SLC51A: variants seen among roughly 807,000 people sequenced by gnomAD.
SLC51A encodes organic solute transporter subunit alpha.
In SLC51A, 22 loss-of-function variants were observed where a neutral mutation model predicts 34.8. The ratio of observed to expected loss-of-function variants is 0.63; its 90% CI spans 0.45 to 0.90. The LOEUF is 0.90. SLC51A is among the 40% of genes least tolerant of loss of function. SLC51A has a pLI of 0.00. For missense variants in SLC51A, 371 were observed against 414.8 expected, an observed-to-expected ratio of 0.89 and a Z score of 0.92; for synonymous variants, 181 against 176.3, an observed-to-expected ratio of 1.03 and a Z score of -0.21.
chr3:196,223,984 C>T, intron 2 of SLC51A: 1 of 334,956 alleles, frequency 3.0e-6, no homozygotes, highest in Non-Finnish European at 5.7e-6. Context: ...TCAGCCTCTC[C>T]AGTAGGTGGG....
Position 196,227,695 on chromosome 3 carries a change from G to T in SLC51A, c.320G>T (p.Trp107Leu). The T allele has an allele frequency of 6.2e-7, 1 of 1,613,856 alleles. No individual in the cohort carries two copies. Among genetic ancestry groups the T allele is most frequent in the South Asian group, 1.1e-5 (1 of 91,070 alleles). ...VVSVLCCFGL[W>L]IPRSLVLVEM... Reference sequence around the variant, plus strand: ...TCTGTGCTGTGCTGCTTTGGTCTCTGGATCCCTCGTTCCCTGGTGCTGGTG... The same window carrying T: ...TCTGTGCTGTGCTGCTTTGGTCTCTTGATCCCTCGTTCCCTGGTGCTGGTG... Residue 107 changes from tryptophan to leucine, a missense_variant, in exon 4 of 9, where the codon TGG (tryptophan) becomes TTG (leucine). Transcript: ENST00000296327.
intron 7 of SLC51A, among the ~76,000 whole-genome samples, chr3:196,232,007 GC>G (rs1724038263): frequency 6.6e-6 from 1 of 152,284 alleles, no homozygotes; most frequent in African/African-American, 2.4e-5. Flanking sequence ...GGATGGCAGA[GC>G]TTCCAAAGGG....
Position 196,231,210 on chromosome 3 carries a change from G to A in SLC51A, c.780+1149G>A, listed in dbSNP as rs545605082. 1.3e-4 allele frequency among the ~76,000 whole-genome samples: 20 copies of A among 152,252 alleles called. No homozygotes were observed. The South Asian group carries it at 3.7e-3, about 28-fold the overall frequency. ...TCTTGCTCAAAGGCACATAAGGAAC[G>A]GGGCTAGAATTTATACCCAGGTATG... On this transcript the variant is annotated intron_variant, in intron 7 of 8. Coordinates refer to ENST00000296327, the MANE Select transcript of SLC51A (RefSeq NM_152672.6).
rs779232895 is a variant in SLC51A, at chr3:196,228,799, C to T, written c.522-10C>T. On this transcript the variant is annotated splice_polypyrimidine_tract_variant and intron_variant, in intron 5 of 8. Coordinates refer to ENST00000296327, the MANE Select transcript of SLC51A (RefSeq NM_152672.6). This position sits in a 1 kb window ranked among gnomAD's most constrained non-coding sequence, Gnocchi z 4.9. ...GTGGGCCCATGTTCCTAACCCTCTT[C>T]CCCACTCAGGAAGAAGCTTCAGCTG... 204 of 1,612,138 alleles carry T rather than the reference C, an allele frequency of 1.3e-4. No homozygotes were observed. The highest frequency in any genetic ancestry group is 1.7e-4 in the Non-Finnish European group (197 of 1,178,314).
chr3:196,229,344 C>T (rs997004528), intron 6 of SLC51A, among the ~76,000 whole-genome samples: 12 of 149,448 alleles, frequency 8.0e-5, no homozygotes, highest in Non-Finnish European at 1.5e-4. Flanking sequence ...CAGGAGTTTG[C>T]GACCAGCTTG....
chr3:196,226,904 C>T (rs68119320), intron 2 of SLC51A, 61 bp from the exon 3 acceptor site: 588,739 of 1,507,054 alleles, frequency 0.39, 122,934 homozygotes, highest in East Asian at 0.87. Flanking sequence ...ATCCGAGGAA[C>T]AAGCCCAGGC....
intron 2 of SLC51A, among the ~76,000 whole-genome samples, chr3:196,223,449 ACCCG>A (rs1482617864): frequency 6.6e-6 from 1 of 151,750 alleles, no homozygotes; most frequent in Non-Finnish European, 1.5e-5. Context: ...ACATAACGTT[ACCCG>A]GAATGGAGAT....
rs200430324 is a variant in SLC51A, at chr3:196,232,995, G to A, written c.887-68G>A. Reference sequence around the variant, plus strand: ...AAAGTGTTGCTCAACTCCCGTGCCCGGGCTGCTAGTAAAATACCACCTCTG... The same window carrying A: ...AAAGTGTTGCTCAACTCCCGTGCCCAGGCTGCTAGTAAAATACCACCTCTG... On this transcript the variant is annotated intron_variant, in intron 8 of 8. Coordinates refer to ENST00000296327, the MANE Select transcript of SLC51A (RefSeq NM_152672.6). The A allele has an allele frequency of 7.1e-5, 107 of 1,515,606 alleles. 1 individual carries two copies. The East Asian group carries it at 1.5e-3, about 21-fold the overall frequency. The allele number at this position is 1,515,606 out of a possible 1,614,324, so 93.9% of individuals were successfully genotyped here.
chr3:196,224,048 G>A (rs1723833806), intron 2 of SLC51A: 2 of 287,416 alleles, frequency 7.0e-6, no homozygotes, highest in Non-Finnish European at 1.4e-5. Flanking sequence ...TGGTAGAGAT[G>A]GGGTTCCACC....
intron 2 of SLC51A, among the ~76,000 whole-genome samples, chr3:196,222,374 C>A (rs1185123914): frequency 6.6e-6 from 1 of 152,058 alleles, no homozygotes; most frequent in Non-Finnish European, 1.5e-5. Context: ...GTGGCTCACA[C>A]CTGTAATCCC....
intron 2 of SLC51A, among the ~76,000 whole-genome samples, chr3:196,220,174 G>GTTT (rs1723712577): frequency 1.3e-5 from 2 of 152,264 alleles, no homozygotes; most frequent in African/African-American, 4.8e-5. Context: ...GGCTGGCGGA[G>GTTT]GAGCTGTGCT....
intron 6 of SLC51A, 85 bp from the exon 7 acceptor site, chr3:196,229,830 G>A (rs1363464682): frequency 3.4e-6 from 5 of 1,474,908 alleles, no homozygotes; most frequent in Non-Finnish European, 3.6e-6. Context: ...TTTCAGCTGG[G>A]TGACAGAGTG....
At chr3:196,218,483 C>A (rs1723654821) in intron 2 of SLC51A, among the ~76,000 whole-genome samples, 1 of 152,202 alleles carries the variant, frequency 6.6e-6, no homozygotes, top group East Asian at 1.9e-4. Context: ...TTGCCTCATT[C>A]CACCCCTGAG....
Position 196,220,892 on chromosome 3 carries a change from T to TTC in SLC51A, c.133+2957_133+2958insCT, listed in dbSNP as rs1412710054. 1.2e-4 allele frequency among the ~76,000 whole-genome samples: 17 copies of TTC among 139,514 alleles called. No individual in the cohort carries two copies. In the East Asian group the frequency reaches 2.9e-3, roughly 24 times the overall value. 91.5% of individuals were successfully genotyped at this position (139,514 alleles called of 152,430 possible). A position where few individuals can be genotyped will look rare whatever the true frequency, so the allele number is the denominator to read the frequency against. ...AACTTTGTTGTTCCTTAATTTTTCT[T>TTC]TTTTTTTTTTTTTTTGAGACAGGGT... On this transcript the variant is annotated intron_variant, in intron 2 of 8. Coordinates refer to ENST00000296327, the MANE Select transcript of SLC51A (RefSeq NM_152672.6).
chr3:196,228,376 A>T lies in SLC51A; in HGVS notation c.521+103A>T. ...AATTAGGCGTGAATAGGCCAAAGCCAGTGACGGAAGGGTGGGCATCCCACG... is the reference window on the plus strand; with the variant it reads ...AATTAGGCGTGAATAGGCCAAAGCCTGTGACGGAAGGGTGGGCATCCCACG... On this transcript the variant is annotated intron_variant, in intron 5 of 8. Transcript: ENST00000296327. The surrounding 1 kb of genome is among the most constrained non-coding windows in gnomAD (Gnocchi z 4.9). 7.1e-7 allele frequency: 1 copy of T among 1,415,474 alleles called. No individual in the cohort carries two copies. The highest frequency in any genetic ancestry group is 9.3e-7 in the Non-Finnish European group (1 of 1,070,866). The allele number at this position is 1,415,474 out of a possible 1,614,324, so 87.7% of individuals were successfully genotyped here. A position where few individuals can be genotyped will look rare whatever the true frequency, so the allele number is the denominator to read the frequency against.
intron 2 of SLC51A, among the ~76,000 whole-genome samples, chr3:196,222,741 A>C (rs776855374): frequency 6.6e-6 from 1 of 151,874 alleles, no homozygotes; most frequent in Non-Finnish European, 1.5e-5. Flanking sequence ...CTCTGCAGGA[A>C]TCATCACATT....
At chr3:196,223,456 A>G (rs995510124) in intron 2 of SLC51A, among the ~76,000 whole-genome samples, 2 of 151,766 alleles carry the variant, frequency 1.3e-5, no homozygotes, top group African/African-American at 4.8e-5. Context: ...GTTACCCGGA[A>G]TGGAGATTTT....
chr3:196,225,190 T>G (rs1028589338), intron 2 of SLC51A, among the ~76,000 whole-genome samples: 1 of 152,090 alleles, frequency 6.6e-6, no homozygotes, highest in African/African-American at 2.4e-5. Context: ...GCCAGGCTGG[T>G]CTTGGACTCC....
At chr3:196,224,758 G>C (rs966906405) in intron 2 of SLC51A, among the ~76,000 whole-genome samples, 1 of 118,154 alleles carries the variant, frequency 8.5e-6, no homozygotes, top group Non-Finnish European at 1.8e-5. Context: ...GAGGGAATGG[G>C]AGAGGGGAGG....
Sources: allele counts gnomAD v4.1 joint callset (sites outside exome capture counted in the v4.1 genomes callset), GRCh38; gene constraint gnomAD v4.1.1; non-coding constraint Gnocchi (gnomAD v3.1); transcripts MANE v1.5; gene names NCBI Gene and HGNC (gene_info 2026-07-23, HGNC 2026-07-21).